Variants in ADGRL4 observed in about 807,000 individuals in gnomAD.
ADGRL4 encodes the protein EGF, latrophilin and seven transmembrane domain containing 1.
A neutral mutation model predicts 74.8 loss-of-function variants in ADGRL4; 90 were observed. The observed-to-expected ratio is 1.20, with a 90% CI of 1.02 to 1.43. The LOEUF (loss-of-function observed/expected upper bound fraction) is 1.43. ADGRL4 is among the 40% of genes most tolerant of loss of function. The pLI, the probability that ADGRL4 is intolerant of heterozygous loss-of-function variation, is 0.00. For missense variants in ADGRL4, 881 were observed against 814.3 expected (o/e 1.08, Z -1.00); for synonymous variants, 311 against 279.2 (o/e 1.11, Z -1.14).
intron 1 of ADGRL4, among the ~76,000 whole-genome samples, chr1:79,005,713 G>A (rs1650948553): frequency 6.6e-6 from 1 of 152,008 alleles, no homozygotes; most frequent in African/African-American, 2.4e-5. Flanking sequence ...AGATGCACTT[G>A]CTGTTTTTTT....
chr1:78,893,943 T>C (rs146996273), intron 12 of ADGRL4, among the ~76,000 whole-genome samples: 1 of 151,980 alleles, frequency 6.6e-6, no homozygotes, highest in East Asian at 1.9e-4. Flanking sequence ...ATATTTGCAG[T>C]GTTAGAAGGC....
At chr1:78,903,836 T>A (rs148221173) in intron 12 of ADGRL4, among the ~76,000 whole-genome samples, 1 of 151,768 alleles carries the variant, frequency 6.6e-6, no homozygotes, top group African/African-American at 2.4e-5. Context: ...CTCAGGAGGC[T>A]GAGGCAGGAG....
intron 3 of ADGRL4, among the ~76,000 whole-genome samples, chr1:78,943,175 G>GA (rs932416836): frequency 3.3e-5 from 5 of 151,238 alleles, no homozygotes; most frequent in South Asian, 2.1e-4. Flanking sequence ...TTCAAAGCTA[G>GA]AAAAAAAAAT....
In ADGRL4 at chr1:78,938,107, G is replaced by T; in HGVS notation, c.569C>A (p.Thr190Asn). The stretch of plus-strand genomic sequence containing the variant: ...AAAGCTGAACATACTTACAGTAAGA[G>T]TTGAGTTAGAAAGGGTGTCCTTGGC... The part of the protein sequence containing the change: ...ISAKDTLSNS[T>N]LTEFVKTVNN... The change falls in exon 5 of 15, where the codon ACT becomes AAT. Residue 190 changes from threonine to asparagine, a missense_variant. By Grantham distance (65) the Thr-to-Asn change is moderately conservative. Transcript: ENST00000370742. 6.2e-7 allele frequency: 1 copy of T among 1,612,424 alleles called. No individual in the cohort carries two copies. Among genetic ancestry groups the T allele is most frequent in the South Asian group, 1.1e-5 (1 of 90,568 alleles).
intron 7 of ADGRL4, among the ~76,000 whole-genome samples, chr1:78,933,455 A>C (rs985972690): frequency 6.6e-6 from 1 of 151,496 alleles, no homozygotes; most frequent in African/African-American, 2.5e-5. Context: ...TATTTATGAC[A>C]AACCCACAGC....
At chr1:78,921,428 T>C (rs1168103087) in intron 9 of ADGRL4, among the ~76,000 whole-genome samples, 185 bp downstream of exon 9, 1 of 148,782 alleles carries the variant, frequency 6.7e-6, no homozygotes, top group Non-Finnish European at 1.5e-5. Flanking sequence ...GCATACTAGA[T>C]ATGTTTCAGA....
At chr1:78,991,104 G>A (rs1036602277) in intron 2 of ADGRL4, among the ~76,000 whole-genome samples, 5 of 151,992 alleles carry the variant, frequency 3.3e-5, no homozygotes, top group African/African-American at 9.7e-5. Context: ...CATGCTAGTT[G>A]TAAATGTTAA....
intron 2 of ADGRL4, among the ~76,000 whole-genome samples, chr1:78,998,914 T>A (rs1220710204): frequency 6.6e-6 from 1 of 152,136 alleles, no homozygotes; most frequent in Non-Finnish European, 1.5e-5. Context: ...AGAGAACTAT[T>A]GTGAGAATTA....
At chr1:78,986,821 T>A (rs1288997705) in intron 2 of ADGRL4, among the ~76,000 whole-genome samples, 1 of 151,656 alleles carries the variant, frequency 6.6e-6, no homozygotes, top group Non-Finnish European at 1.5e-5. Flanking sequence ...CTATAAATAA[T>A]CTAAGTTAAA....
chr1:78,999,618 C>T (rs1650794692), intron 2 of ADGRL4, among the ~76,000 whole-genome samples: 1 of 152,094 alleles, frequency 6.6e-6, no homozygotes, highest in Admixed American at 6.6e-5. Flanking sequence ...TTTAGTTTTA[C>T]ATTCCTAGCA....
intron 2 of ADGRL4, among the ~76,000 whole-genome samples, chr1:78,987,029 T>A (rs1378347985): frequency 6.6e-6 from 1 of 151,726 alleles, no homozygotes; most frequent in Non-Finnish European, 1.5e-5. Context: ...AACAGGATAG[T>A]TTGGAAGGAG....
At chr1:78,977,851 A>C (rs1245320901) in intron 2 of ADGRL4, among the ~76,000 whole-genome samples, 1 of 151,942 alleles carries the variant, frequency 6.6e-6, no homozygotes, top group African/African-American at 2.4e-5. Context: ...ACATAATCAA[A>C]ACAGCTGATA....
chr1:78,971,400 T>C (rs1650163580), intron 2 of ADGRL4, among the ~76,000 whole-genome samples: 1 of 152,122 alleles, frequency 6.6e-6, no homozygotes, highest in Non-Finnish European at 1.5e-5. Flanking sequence ...TGGGAATGGC[T>C]CCCTGGAAGA....
At chr1:78,926,211 A>G (rs958078752) in intron 8 of ADGRL4, among the ~76,000 whole-genome samples, 10 of 152,072 alleles carry the variant, frequency 6.6e-5, no homozygotes, top group African/African-American at 2.4e-4. Flanking sequence ...TACTCGAATC[A>G]TGTACTAGAA....
chr1:79,001,191 G>A (rs868344446), intron 2 of ADGRL4, among the ~76,000 whole-genome samples: 4 of 84,506 alleles, frequency 4.7e-5, no homozygotes, highest in Admixed American at 1.3e-4. Context: ...GGGAGGGAGG[G>A]AGGAAGGAAG....
intron 2 of ADGRL4, among the ~76,000 whole-genome samples, chr1:78,973,883 A>G (rs1043474481): frequency 6.6e-5 from 10 of 152,108 alleles, no homozygotes; most frequent in African/African-American, 2.4e-4. Flanking sequence ...TCTAATAAAT[A>G]AACTAAGGCT....
At chr1:78,921,552 T>C (rs1313581330) in intron 9 of ADGRL4, 61 bp downstream of exon 9, 1 of 1,064,718 alleles carries the variant, frequency 9.4e-7, no homozygotes, top group Non-Finnish European at 1.3e-6. Flanking sequence ...TTGTCTCGAA[T>C]GATGCGGAAA....
At chr1:78,974,751 G>A (rs1313176004) in intron 2 of ADGRL4, among the ~76,000 whole-genome samples, 1 of 152,118 alleles carries the variant, frequency 6.6e-6, no homozygotes, top group Non-Finnish European at 1.5e-5. Flanking sequence ...AGCCAGAAAT[G>A]GCTGATTGAA....
intron 2 of ADGRL4, among the ~76,000 whole-genome samples, chr1:78,996,548 C>T (rs1650718939): frequency 6.6e-6 from 1 of 152,144 alleles, no homozygotes; most frequent in African/African-American, 2.4e-5. Flanking sequence ...ATTGAAGGCT[C>T]ATGACTTTCT....
Sources: gnomAD v4.1 joint callset for allele counts (sites outside exome capture counted in the v4.1 genomes callset) on GRCh38, gnomAD v4.1.1 for gene constraint, MANE v1.5 for transcripts, NCBI Gene and HGNC (gene_info 2026-07-23, HGNC 2026-07-21) for gene names.